The following MROH9 variants were observed in gnomAD, a reference collection of about 807,000 sequenced individuals.
The protein encoded by MROH9 is maestro heat-like repeat-containing protein family member 9.
In MROH9, 92 loss-of-function variants were observed where a neutral mutation model predicts 98.2. The observed-to-expected ratio is 0.94, with a 90% CI of 0.79 to 1.11. The LOEUF (loss-of-function observed/expected upper bound fraction) is 1.11, where lower values mean the gene tolerates loss of function less well. Ranked by LOEUF, MROH9 falls within the 50% of genes most tolerant of loss-of-function variation. The probability of loss-of-function intolerance (pLI) is 0.00; values close to 1 mark genes in which losing one functional copy is unlikely to be tolerated. For synonymous variants in MROH9, 397 were observed against 368.9 expected, an observed-to-expected ratio of 1.08 and a Z score of -0.87; for missense variants, 1,057 against 1,014.8, an observed-to-expected ratio of 1.04 and a Z score of -0.57.
chr1:171,012,110 G>C (rs1483697928), intron 15 of MROH9, among the ~76,000 whole-genome samples: 1 of 151,324 alleles, frequency 6.6e-6, no homozygotes, highest in East Asian at 1.9e-4. Flanking sequence ...TTTTTATTTT[G>C]TTGTCATCCT....
chr1:171,031,986 T>C (rs2101849723), intron 20 of MROH9, among the ~76,000 whole-genome samples: 1 of 152,310 alleles, frequency 6.6e-6, no homozygotes, highest in Admixed American at 6.5e-5. Context: ...CTTTTCATTC[T>C]TTTATCTCTA....
intron 20 of MROH9, among the ~76,000 whole-genome samples, chr1:171,055,487 G>T (rs1653806042): frequency 6.6e-6 from 1 of 152,038 alleles, no homozygotes; most frequent in Admixed American, 6.6e-5. Context: ...GCCAGGCATG[G>T]TGGTGCATGC....
chr1:171,008,191 T>C (rs1234459880), intron 15 of MROH9, among the ~76,000 whole-genome samples: 1 of 152,216 alleles, frequency 6.6e-6, no homozygotes, highest in Non-Finnish European at 1.5e-5. Context: ...CTATTCATAG[T>C]TGTATTTGAA....
intron 1 of MROH9, among the ~76,000 whole-genome samples, chr1:170,942,390 C>T (rs1367764664): frequency 6.6e-6 from 1 of 151,452 alleles, no homozygotes; most frequent in African/African-American, 2.4e-5. Context: ...CACACACACA[C>T]ACACACACAC....
intron 20 of MROH9, among the ~76,000 whole-genome samples, chr1:171,051,589 A>G (rs1653667186): frequency 6.6e-6 from 1 of 152,116 alleles, no homozygotes; most frequent in Non-Finnish European, 1.5e-5. Context: ...GGCCTGGCAG[A>G]GAGGCAGGGA....
At chr1:171,048,467 T>C (rs756457102) in intron 20 of MROH9, among the ~76,000 whole-genome samples, 1 of 152,118 alleles carries the variant, frequency 6.6e-6, no homozygotes, top group Non-Finnish European at 1.5e-5. Context: ...CTACCACTGA[T>C]GTTCCCTTAA....
chr1:171,047,179 A>C (rs180919698), intron 20 of MROH9, among the ~76,000 whole-genome samples: 5 of 152,238 alleles, frequency 3.3e-5, no homozygotes, highest in Admixed American at 3.3e-4. Flanking sequence ...GGTATTCCAC[A>C]ACCTTTTTGT....
chr1:171,035,910 A>G (rs1653084682), intron 20 of MROH9, among the ~76,000 whole-genome samples: 1 of 152,176 alleles, frequency 6.6e-6, no homozygotes. Flanking sequence ...GAATTCTATA[A>G]AATCTCACAG....
chr1:170,960,157 G>A lies in MROH9; in HGVS notation c.288+560G>A, dbSNP rs373893285. 4.6e-5 allele frequency among the ~76,000 whole-genome samples: 7 copies of A among 152,266 alleles called. No individual in the cohort carries two copies. In the South Asian group the frequency reaches 8.3e-4, roughly 18 times the overall value. On this transcript the variant is annotated intron_variant, in intron 5 of 21. Coordinates refer to ENST00000367759, the MANE Select transcript of MROH9 (RefSeq NM_001163629.2). ...ACACATCTCAGAGAATTTCAGCCTC[G>A]TCTGCAATTGATGCAAGGTGACTTT...
At chr1:170,946,145 G>C (rs1377041790) in intron 2 of MROH9, among the ~76,000 whole-genome samples, 3 of 151,890 alleles carry the variant, frequency 2.0e-5, no homozygotes, top group Admixed American at 6.6e-5. Context: ...AGATGAAGTT[G>C]AATATTTGAA....
intron 12 of MROH9, 79 bp from the exon 13 acceptor site, chr1:170,995,310 C>T (rs558124178): frequency 6.6e-7 from 1 of 1,525,626 alleles, no homozygotes; most frequent in Non-Finnish European, 9.0e-7. Context: ...CAGAGTCACT[C>T]TCTTGCTCCC....
At position 171,016,210 on chromosome 1, in the gene MROH9, T is replaced by C. The variant is rs1376785208; in HGVS notation, c.1782T>C (p.Leu594=). 3.9e-6 allele frequency: 6 copies of C among 1,536,638 alleles called. No individual in the cohort carries two copies. The highest frequency in any genetic ancestry group is 2.1e-5 in the Admixed American group (1 of 48,252). ...SILIAILDAF[L]SKDDNVVLQA... is the part of the protein sequence containing the mutation. ...TAATAGCCATCCTGGATGCCTTCCTTTCCAAAGACGATAATGTTGTACTTC... is the reference window on the plus strand; with the variant it reads ...TAATAGCCATCCTGGATGCCTTCCTCTCCAAAGACGATAATGTTGTACTTC... The change falls in exon 17 of 22, where the codon CTT becomes CTC. Residue 594 remains leucine, a synonymous_variant. Coordinates refer to ENST00000367759, the MANE Select transcript of MROH9 (RefSeq NM_001163629.2).
chr1:171,024,303 G>GGTGTGTGTGT (rs3077629), intron 17 of MROH9, 92 bp from the exon 18 acceptor site: 30 of 670,074 alleles, frequency 4.5e-5, no homozygotes, highest in South Asian at 4.4e-4. Context: ...ATTTATATGG[G>GGTGTGTGTGT]GTGTGTGTGT....
chr1:171,052,902 A>T lies in MROH9; in HGVS notation c.2282-9230A>T, dbSNP rs1653714991. 2.6e-5 allele frequency among the ~76,000 whole-genome samples: 4 copies of T among 151,988 alleles called. No homozygotes were observed. The South Asian group carries it at 8.3e-4, about 32-fold the overall frequency. ...TGCCACACAAAATTCTTTGCATAGG[A>T]AGGGAAGGATGGCCCATGCTTCTAA... On this transcript the variant is annotated intron_variant, in intron 20 of 21. Coordinates refer to ENST00000367759, the MANE Select transcript of MROH9 (RefSeq NM_001163629.2).
intron 8 of MROH9, among the ~76,000 whole-genome samples, chr1:170,980,855 T>A (rs1243107906): frequency 6.6e-6 from 1 of 152,136 alleles, no homozygotes; most frequent in African/African-American, 2.4e-5. Flanking sequence ...GGAGAAAATG[T>A]TTGCAATCTA....
At chr1:171,045,033 G>A (rs796856792) in intron 20 of MROH9, among the ~76,000 whole-genome samples, 9 of 85,804 alleles carry the variant, frequency 1.0e-4, no homozygotes, top group South Asian at 7.9e-4. Flanking sequence ...ATGGAGTCTC[G>A]CTCTTTCACA....
At position 170,965,120 on chromosome 1, in the gene MROH9, G is replaced by A. The variant is rs774321460; in HGVS notation, c.376-31G>A. ...GGTTCTTGGAAAATGGAAATTTCATGGTTCTAGGATGACTTTTATGTTTCC... is the reference window on the plus strand; with the variant it reads ...GGTTCTTGGAAAATGGAAATTTCATAGTTCTAGGATGACTTTTATGTTTCC... On this transcript the variant is annotated intron_variant, in intron 6 of 21. Transcript: ENST00000367759. 10 of 1,497,272 alleles carry A rather than the reference G, an allele frequency of 6.7e-6. No individual in the cohort carries two copies. The South Asian group carries it at 9.6e-5, about 14-fold the overall frequency. 92.7% of individuals were successfully genotyped at this position (1,497,272 alleles called of 1,614,324 possible).
In MROH9 at chr1:171,044,537, G is replaced by T. The variant is rs532758453; in HGVS notation, c.2282-17595G>T. ...TTTCAGAACATTTTGATTAAGATTT[G>T]TATTCATTCTTCTTTAAATGTTTGG... On this transcript the variant is annotated intron_variant, in intron 20 of 21. Coordinates refer to ENST00000367759, the MANE Select transcript of MROH9 (RefSeq NM_001163629.2). Among the ~76,000 whole-genome samples, 36 of 152,214 alleles carry T rather than the reference G, an allele frequency of 2.4e-4. 1 individual carries two copies. In the South Asian group the frequency reaches 7.3e-3, roughly 31 times the overall value.
At chr1:170,971,992 C>T in intron 8 of MROH9, 109 bp downstream of exon 8, 1 of 1,172,306 alleles carries the variant, frequency 8.5e-7, no homozygotes, top group Non-Finnish European at 1.2e-6. Flanking sequence ...AAATCCTGCC[C>T]CAAGAGTCAT....
Sources: allele counts gnomAD v4.1 joint callset (sites outside exome capture counted in the v4.1 genomes callset), GRCh38; gene constraint gnomAD v4.1.1; transcripts MANE v1.5; gene names NCBI Gene and HGNC (gene_info 2026-07-23, HGNC 2026-07-21).